CALU: variants seen among roughly 807,000 people sequenced by gnomAD.
CALU encodes calumenin.
CALU carries 13 observed loss-of-function variants against 37.5 expected under a neutral mutation model. That is an observed-to-expected ratio of 0.35 (90% CI 0.23 to 0.55). The LOEUF is 0.55. Among genes scored for constraint, CALU ranks in the 20% least tolerant of loss-of-function variants. The pLI, the probability that CALU is intolerant of heterozygous loss-of-function variation, is 0.89. For missense variants in CALU, 282 were observed against 391.7 expected (o/e 0.72, Z 2.36); for synonymous variants, 114 against 133.8 (o/e 0.85, Z 1.02).
intron 6 of CALU, 64 bp downstream of exon 6, chr7:128,767,719 A>G: frequency 7.4e-7 from 1 of 1,348,422 alleles, no homozygotes; most frequent in South Asian, 1.2e-5. Flanking sequence ...GGATCACCTG[A>G]ACAGTTTCTG....
intron 4 of CALU, 59 bp downstream of exon 4, chr7:128,759,096 GTCTTTCCCCTTTA>G: frequency 7.3e-7 from 1 of 1,378,852 alleles, no homozygotes; most frequent in Non-Finnish European, 1.0e-6. Flanking sequence ...GGCTTATTCT[GTCTTTCCCCTTTA>G]GCCTTATATA....
intron 3 of CALU, among the ~76,000 whole-genome samples, chr7:128,755,309 C>CGAAA (rs1800836038): frequency 1.9e-5 from 1 of 51,526 alleles, no homozygotes; most frequent in Non-Finnish European, 3.8e-5. Context: ...GAGCTCTGTC[C>CGAAA]AAAAAAAAAA....
At chr7:128,746,270 G>A (rs1422914436) in intron 1 of CALU, among the ~76,000 whole-genome samples, 1 of 151,752 alleles carries the variant, frequency 6.6e-6, no homozygotes, top group African/African-American at 2.4e-5. Flanking sequence ...TACTTCTCGT[G>A]CCTCAGCCTC....
chr7:128,742,599 C>G (rs1428226113), intron 1 of CALU, among the ~76,000 whole-genome samples: 3 of 152,222 alleles, frequency 2.0e-5, no homozygotes, highest in Non-Finnish European at 4.4e-5. Context: ...GCTCGCAATA[C>G]TGGTCCAATG....
At chr7:128,743,720 T>C (rs1392463615) in intron 1 of CALU, among the ~76,000 whole-genome samples, 1 of 152,004 alleles carries the variant, frequency 6.6e-6, no homozygotes, top group African/African-American at 2.4e-5. Context: ...TGGGATTGCC[T>C]AGGCTGGTCT....
At chr7:128,760,492 G>GT (rs144545654) in intron 5 of CALU, among the ~76,000 whole-genome samples, 45,441 of 151,294 alleles carry the variant, frequency 0.3, 8,009 homozygotes, top group Non-Finnish European at 0.41. Flanking sequence ...ATTATTGAGG[G>GT]TTTTTTTTTA....
chr7:128,772,517 G>T lies in CALU; in HGVS notation c.*3350G>T. Reference sequence around the variant, plus strand: ...AAAGTAAAATTTAATTCTAGCTGTTGCAAACAGGCCAATATTGGGTCCTCA... The same window carrying T: ...AAAGTAAAATTTAATTCTAGCTGTTTCAAACAGGCCAATATTGGGTCCTCA... On this transcript the variant is annotated 3_prime_UTR_variant, in exon 7 of 7. Transcript: ENST00000249364. 1 of 1,614,022 alleles carries T rather than the reference G, an allele frequency of 6.2e-7. No individual in the cohort carries two copies. The highest frequency in any genetic ancestry group is 1.1e-5 in the South Asian group (1 of 91,080).
At chr7:128,760,919 CAA>C (rs910602817) in intron 5 of CALU, among the ~76,000 whole-genome samples, 1 of 151,114 alleles carries the variant, frequency 6.6e-6, no homozygotes, top group African/African-American at 2.4e-5. Flanking sequence ...AACAAACAAA[CAA>C]AAAAAAGAGT....
At position 128,771,161 on chromosome 7, in the gene CALU, A is replaced by G. The variant is rs1456482358; in HGVS notation, c.*1994A>G. 1 of 152,400 alleles carries G rather than the reference A, an allele frequency of 6.6e-6. No individual in the cohort carries two copies. Among genetic ancestry groups the G allele is most frequent in the Non-Finnish European group, 1.5e-5 (1 of 68,044 alleles). The allele number at this position is 152,400 out of a possible 1,614,324, so 9.4% of individuals were successfully genotyped here. On this transcript the variant is annotated 3_prime_UTR_variant, in exon 7 of 7. Coordinates refer to ENST00000249364, the MANE Select transcript of CALU (RefSeq NM_001219.5). ...GAACTGTGTGGCAAGAGAGCCTCAC[A>G]CCTCACTAGGTGCAGAGAGCCCAGG...
At chr7:128,745,612 A>T (rs1026563725) in intron 1 of CALU, among the ~76,000 whole-genome samples, 3 of 152,150 alleles carry the variant, frequency 2.0e-5, no homozygotes, top group African/African-American at 7.2e-5. Flanking sequence ...TCAAAAAAAG[A>T]ATTGTTTATA....
intron 3 of CALU, among the ~76,000 whole-genome samples, chr7:128,756,440 C>T (rs1307175530): frequency 6.6e-6 from 1 of 152,092 alleles, no homozygotes; most frequent in Non-Finnish European, 1.5e-5. Context: ...GCATCTTTCC[C>T]CAGAGGCATG....
At position 128,746,762 on chromosome 7, in the gene CALU, C is replaced by CTTTTTT. The variant is rs71162530; in HGVS notation, c.-11-1792_-11-1787dup. 1.6e-3 allele frequency among the ~76,000 whole-genome samples: 201 copies of CTTTTTT among 122,576 alleles called. 6 individuals are homozygous for CTTTTTT. The highest frequency in any genetic ancestry group is 2.2e-3 in the Non-Finnish European group (131 of 60,606). 80.4% of individuals were successfully genotyped at this position (122,576 alleles called of 152,430 possible). A position where few individuals can be genotyped will look rare whatever the true frequency, so the allele number is the denominator to read the frequency against. ...CCACCACCCCCGGCCTCATGTCATT[C>CTTTTTT]TTTTTTTTTTTTTTTTTTTTTTTTG... On this transcript the variant is annotated intron_variant, in intron 1 of 6. Coordinates refer to ENST00000249364, the MANE Select transcript of CALU (RefSeq NM_001219.5).
rs1351693216 is a variant in CALU at position 128,739,400 on chromosome 7, C to A, written c.-44C>A. ...TGAGCCGGTGGGTGAGCGGCGGCCACGGCATCCTGTGCTGTGGGGGCTACG... is the reference window on the plus strand; with the variant it reads ...TGAGCCGGTGGGTGAGCGGCGGCCAAGGCATCCTGTGCTGTGGGGGCTACG... On this transcript the variant is annotated 5_prime_UTR_variant, in exon 1 of 7. Coordinates refer to ENST00000249364, the MANE Select transcript of CALU (RefSeq NM_001219.5). 1 of 152,468 alleles carries A rather than the reference C, an allele frequency of 6.6e-6. No individual in the cohort carries two copies. The highest frequency in any genetic ancestry group is 1.5e-5 in the Non-Finnish European group (1 of 68,266). The allele number at this position is 152,468 out of a possible 1,614,324, so 9.4% of individuals were successfully genotyped here. A position where few individuals can be genotyped will look rare whatever the true frequency, so the allele number is the denominator to read the frequency against.
chr7:128,754,637 A>T (rs1343890565), intron 3 of CALU, 182 bp downstream of exon 3: 1 of 1,552,290 alleles, frequency 6.4e-7, no homozygotes, highest in East Asian at 2.4e-5. Context: ...ACAATGTTGA[A>T]AACCAATGGC....
At chr7:128,764,678 C>T (rs139301791) in intron 5 of CALU, among the ~76,000 whole-genome samples, 97 of 150,864 alleles carry the variant, frequency 6.4e-4, no homozygotes, top group Admixed American at 1.5e-3. Context: ...AGAAAATATC[C>T]GTAATTTTTT....
chr7:128,756,107 C>T (rs1158483150), intron 3 of CALU, among the ~76,000 whole-genome samples: 3 of 152,220 alleles, frequency 2.0e-5, no homozygotes, highest in Non-Finnish European at 4.4e-5. Context: ...ATTAAACAGT[C>T]AGCACAGATG....
At chr7:128,768,069 G>T (rs1049367583) in intron 6 of CALU, among the ~76,000 whole-genome samples, 7 of 151,622 alleles carry the variant, frequency 4.6e-5, no homozygotes, top group Admixed American at 3.9e-4. Flanking sequence ...TGGGTCCTTT[G>T]TATGGGCTAT....
chr7:128,748,408 C>A, intron 1 of CALU, 165 bp from the exon 2 acceptor site: 1 of 1,399,162 alleles, frequency 7.1e-7, no homozygotes, highest in Non-Finnish European at 9.7e-7. Flanking sequence ...GTCTGATATT[C>A]CACCATACTT....
In CALU at chr7:128,769,321, T is replaced by C; in HGVS notation, c.*154T>C. 1 of 536,292 alleles carries C rather than the reference T, an allele frequency of 1.9e-6. No individual in the cohort carries two copies. Among genetic ancestry groups the C allele is most frequent in the Non-Finnish European group, 3.3e-6 (1 of 300,644 alleles). The allele number at this position is 536,292 out of a possible 1,614,324, so 33.2% of individuals were successfully genotyped here. On this transcript the variant is annotated 3_prime_UTR_variant, in exon 7 of 7. Coordinates refer to ENST00000249364, the MANE Select transcript of CALU (RefSeq NM_001219.5). ...CATCCCGTCCCCATTCCTCCTCCTC[T>C]CTGAGGGACTGGAGGGAAGCCGTGC...
Sources: gnomAD v4.1 joint callset for allele counts (sites outside exome capture counted in the v4.1 genomes callset) on GRCh38, gnomAD v4.1.1 for gene constraint, MANE v1.5 for transcripts, NCBI Gene and HGNC (gene_info 2026-07-23, HGNC 2026-07-21) for gene names.